ARHGEF38: variants seen among roughly 807,000 people sequenced by gnomAD.
The protein encoded by ARHGEF38 is Rho guanine nucleotide exchange factor 38, also known as Rho guanine nucleotide exchange factor (GEF) 38.
A neutral mutation model predicts 79.9 loss-of-function variants in ARHGEF38; 79 were observed. The observed-to-expected ratio is 0.99, with a 90% CI of 0.82 to 1.19. The LOEUF (loss-of-function observed/expected upper bound fraction) is 1.19. ARHGEF38 is among the 50% of genes most tolerant of loss of function. ARHGEF38 has a pLI of 0.00. For missense variants in ARHGEF38, 962 were observed against 907.2 expected, an observed-to-expected ratio of 1.06 and a Z score of -0.78; for synonymous variants, 366 against 328.3, an observed-to-expected ratio of 1.11 and a Z score of -1.24.
chr4:105,674,628 T>C (rs1371279876), intron 13 of ARHGEF38, among the ~76,000 whole-genome samples: 3 of 152,070 alleles, frequency 2.0e-5, no homozygotes, highest in Non-Finnish European at 2.9e-5. Context: ...ATTTTGAGTA[T>C]ATAATATATG....
At chr4:105,622,906 A>G (rs984695724) in intron 3 of ARHGEF38, among the ~76,000 whole-genome samples, 11 of 152,188 alleles carry the variant, frequency 7.2e-5, no homozygotes, top group Admixed American at 4.6e-4. Context: ...ACCTTTGCAC[A>G]CACACTTGGC....
At chr4:105,567,649 T>G (rs2110414416) in intron 1 of ARHGEF38, among the ~76,000 whole-genome samples, 1 of 152,342 alleles carries the variant, frequency 6.6e-6, no homozygotes, top group East Asian at 1.9e-4. Context: ...CTGTCTTTAC[T>G]TCTAGATTAT....
chr4:105,642,086 A>G (rs1729641918), intron 5 of ARHGEF38, among the ~76,000 whole-genome samples: 1 of 152,172 alleles, frequency 6.6e-6, no homozygotes, highest in South Asian at 2.1e-4. Context: ...GAGATGGGTT[A>G]TATCACACAT....
chr4:105,591,505 A>AG (rs2110461269), intron 2 of ARHGEF38, among the ~76,000 whole-genome samples: 1 of 152,344 alleles, frequency 6.6e-6, no homozygotes, highest in African/African-American at 2.4e-5. Flanking sequence ...CTGGGATTAC[A>AG]GGCGTGAGCC....
intron 7 of ARHGEF38, among the ~76,000 whole-genome samples, chr4:105,648,893 G>C (rs1230527861): frequency 6.6e-6 from 1 of 151,326 alleles, no homozygotes; most frequent in African/African-American, 2.4e-5. Flanking sequence ...GTGGGAGTGG[G>C]AATAGGATTG....
intron 2 of ARHGEF38, among the ~76,000 whole-genome samples, chr4:105,598,834 A>C (rs1202330251): frequency 6.6e-6 from 1 of 151,524 alleles, no homozygotes; most frequent in Admixed American, 6.6e-5. Context: ...ATTTTATGTA[A>C]GTGTGTTAAT....
chr4:105,681,523 A>G (rs1245438422), downstream of ARHGEF38, among the ~76,000 whole-genome samples: 1 of 152,150 alleles, frequency 6.6e-6, no homozygotes. Context: ...TGTGAATAAT[A>G]AACTGTTTCT....
chr4:105,585,959 A>G (rs906896643), intron 1 of ARHGEF38, among the ~76,000 whole-genome samples: 7 of 151,658 alleles, frequency 4.6e-5, no homozygotes, highest in Non-Finnish European at 8.8e-5. Flanking sequence ...TGAAACTCCT[A>G]ACCTCAGGTG....
intron 4 of ARHGEF38, among the ~76,000 whole-genome samples, chr4:105,634,259 T>G (rs1006200083): frequency 5.3e-5 from 8 of 152,182 alleles, no homozygotes; most frequent in African/African-American, 1.9e-4. Flanking sequence ...GTGGGTTTTT[T>G]CATCAATATA....
chr4:105,663,382 A>G (rs1395843875), intron 10 of ARHGEF38, among the ~76,000 whole-genome samples: 2 of 152,222 alleles, frequency 1.3e-5, no homozygotes, highest in Non-Finnish European at 2.9e-5. Flanking sequence ...AGTGTTAAGT[A>G]TACTTATATT....
At chr4:105,668,751 C>T (rs191403183) in intron 13 of ARHGEF38, among the ~76,000 whole-genome samples, 173 of 152,066 alleles carry the variant, frequency 1.1e-3, no homozygotes, top group African/African-American at 3.4e-3. Flanking sequence ...GAAAAGCATA[C>T]GTAACTTAAA....
intron 2 of ARHGEF38, among the ~76,000 whole-genome samples, chr4:105,595,668 A>C (rs1172051019): frequency 6.6e-6 from 1 of 152,180 alleles, no homozygotes; most frequent in East Asian, 1.9e-4. Context: ...TGGAAGCTTA[A>C]GTGTCTGACG....
downstream of ARHGEF38, among the ~76,000 whole-genome samples, chr4:105,682,291 G>C (rs1289524757): frequency 6.6e-6 from 1 of 152,116 alleles, no homozygotes; most frequent in Non-Finnish European, 1.5e-5. Flanking sequence ...GGGAGAGGGA[G>C]AGTCAGTTGA....
rs1443667771 is a variant in ARHGEF38 at position 105,666,317 on chromosome 4, T to G, written c.1686T>G (p.Ile562Met). Residue 562 changes from isoleucine (I) to methionine (M), a missense_variant, in exon 11 of 14, where the codon ATT (isoleucine) becomes ATG (methionine). By Grantham distance (10) the Ile-to-Met change is conservative (BLOSUM62 1). Transcript: ENST00000420470. ...LSFEKKKPVQ[I>M]LPEMPHQTDI... ...TTGAAAAGAAGAAACCTGTGCAGAT[T>G]CTGGTGAGTTTGGCAGCATTCATGA... The G allele has an allele frequency of 6.6e-7, 1 of 1,523,888 alleles. No homozygotes were observed. 94.4% of individuals were successfully genotyped at this position (1,523,888 alleles called of 1,614,324 possible).
chr4:105,615,080 A>G (rs1728458627), intron 3 of ARHGEF38, among the ~76,000 whole-genome samples: 1 of 152,234 alleles, frequency 6.6e-6, no homozygotes, highest in Admixed American at 6.5e-5. Flanking sequence ...AAATGACAGC[A>G]TGAAAAACAA....
At chr4:105,620,403 T>G (rs966232298) in intron 3 of ARHGEF38, among the ~76,000 whole-genome samples, 34 of 152,170 alleles carry the variant, frequency 2.2e-4, no homozygotes, top group Admixed American at 2.2e-3. Flanking sequence ...TCCCATATGG[T>G]TTTTATGAAG....
At chr4:105,570,457 G>T (rs1726164206) in intron 1 of ARHGEF38, among the ~76,000 whole-genome samples, 2 of 152,182 alleles carry the variant, frequency 1.3e-5, no homozygotes, top group Admixed American at 1.3e-4. Flanking sequence ...AAAGGAAAGA[G>T]ATTTAATTGA....
Position 105,585,725 on chromosome 4 carries a change from G to GTTTTTTT in ARHGEF38, c.197-3523_197-3522insTTTTTTT, listed in dbSNP as rs1491390111. Among the ~76,000 whole-genome samples, 19 of 14,432 alleles carry GTTTTTTT rather than the reference G, an allele frequency of 1.3e-3. 1 individual carries two copies. Among genetic ancestry groups the GTTTTTTT allele is most frequent in the Admixed American group, 2.7e-3 (3 of 1,110 alleles). The allele number at this position is 14,432 out of a possible 152,430, so 9.5% of individuals were successfully genotyped here. A position where few individuals can be genotyped will look rare whatever the true frequency, so the allele number is the denominator to read the frequency against. On this transcript the variant is annotated intron_variant, in intron 1 of 13. Coordinates refer to ENST00000420470, the MANE Select transcript of ARHGEF38 (RefSeq NM_001242729.2). ...TTCTTTCCTAAATAGCCCCTCCGTT[G>GTTTTTTT]CTTTTTTTTTTTTTTTTTTTTTTTG...
At chr4:105,568,965 A>G (rs1213455889) in intron 1 of ARHGEF38, among the ~76,000 whole-genome samples, 2 of 152,248 alleles carry the variant, frequency 1.3e-5, no homozygotes, top group South Asian at 2.1e-4. Context: ...CACTACAACT[A>G]TTCTTTACTA....
Sources: gnomAD v4.1 joint callset for allele counts (sites outside exome capture counted in the v4.1 genomes callset) on GRCh38, gnomAD v4.1.1 for gene constraint, MANE v1.5 for transcripts, NCBI Gene and HGNC (gene_info 2026-07-23, HGNC 2026-07-21) for gene names.